Variants in MOB3B observed in about 807,000 individuals in gnomAD.
MOB3B encodes MOB kinase activator-like 2B.
Under a neutral mutation model 18.7 loss-of-function variants are expected in MOB3B, and 7 were observed. The ratio of observed to expected loss-of-function variants is 0.37; its 90% CI spans 0.21 to 0.70. The LOEUF (loss-of-function observed/expected upper bound fraction) is 0.70. MOB3B is among the 30% of genes least tolerant of loss of function. MOB3B has a pLI of 0.52. For synonymous variants in MOB3B, 111 were observed against 99.9 expected, an observed-to-expected ratio of 1.11 and a Z score of -0.66; for missense variants, 253 against 281.3, an observed-to-expected ratio of 0.90 and a Z score of 0.72.
At chr9:27,454,216 T>C (rs1822835526) in intron 2 of MOB3B, among the ~76,000 whole-genome samples, 1 of 152,232 alleles carries the variant, frequency 6.6e-6, no homozygotes, top group African/African-American at 2.4e-5. Context: ...CTAGAGGTGA[T>C]TTCAACAGTG....
At chr9:27,334,402 T>C (rs10967896) in intron 3 of MOB3B, among the ~76,000 whole-genome samples, 45,970 of 152,126 alleles carry the variant, frequency 0.3, 7,810 homozygotes, top group East Asian at 0.48. Flanking sequence ...GAGACTCCAA[T>C]CTGAAATCAT....
chr9:27,481,511 G>GTTTTTTTTTT (rs536716885), intron 1 of MOB3B, among the ~76,000 whole-genome samples: 3 of 69,720 alleles, frequency 4.3e-5, no homozygotes, highest in Non-Finnish European at 7.5e-5. Context: ...TTTTTTTTTT[G>GTTTTTTTTTT]TTTTTTTTGT....
intron 3 of MOB3B, among the ~76,000 whole-genome samples, chr9:27,353,105 G>A (rs1300214348): frequency 6.6e-6 from 1 of 152,224 alleles, no homozygotes; most frequent in Non-Finnish European, 1.5e-5. Context: ...GAGGAGAAGA[G>A]ATGAAGTGCT....
intron 3 of MOB3B, among the ~76,000 whole-genome samples, chr9:27,349,446 C>T (rs146154007): frequency 2.0e-5 from 3 of 152,210 alleles, no homozygotes; most frequent in East Asian, 3.9e-4. Flanking sequence ...ATTTTTGGAG[C>T]CAAAGAATCT....
intron 1 of MOB3B, among the ~76,000 whole-genome samples, chr9:27,519,175 C>T (rs11792285): frequency 0.28 from 42,282 of 152,026 alleles, 6,939 homozygotes; most frequent in Non-Finnish European, 0.37. Flanking sequence ...ACCAAACCAC[C>T]AAATAACTTT....
chr9:27,379,096 A>G (rs1020935110), intron 2 of MOB3B, among the ~76,000 whole-genome samples: 2 of 152,164 alleles, frequency 1.3e-5, no homozygotes, highest in Non-Finnish European at 2.9e-5. Context: ...GAGGTGTTCA[A>G]GAAGAAGCCC....
intron 1 of MOB3B, among the ~76,000 whole-genome samples, chr9:27,508,376 C>G (rs1393062794): frequency 6.6e-6 from 1 of 151,866 alleles, no homozygotes; most frequent in African/African-American, 2.4e-5. Context: ...TCCATTAAGA[C>G]AGAAGCTTCT....
chr9:27,330,741 A>G, intron 3 of MOB3B, 125 bp from the exon 4 acceptor site: 1 of 1,394,758 alleles, frequency 7.2e-7, no homozygotes, highest in Non-Finnish European at 9.9e-7. Flanking sequence ...AGCATGGTCC[A>G]TGAATAAGGC....
At chr9:27,501,476 C>A (rs140714825) in intron 1 of MOB3B, among the ~76,000 whole-genome samples, 2 of 151,950 alleles carry the variant, frequency 1.3e-5, no homozygotes, top group African/African-American at 4.8e-5. Context: ...TGGCAACCAT[C>A]ATTCTGAGCA....
chr9:27,380,404 A>C (rs1217263269), intron 2 of MOB3B, among the ~76,000 whole-genome samples: 1 of 151,448 alleles, frequency 6.6e-6, no homozygotes, highest in African/African-American at 2.4e-5. Context: ...ACACCCAGCT[A>C]ATTTTTGTAT....
chr9:27,398,155 T>A (rs1415958228), intron 2 of MOB3B, among the ~76,000 whole-genome samples: 1 of 152,222 alleles, frequency 6.6e-6, no homozygotes, highest in Admixed American at 6.5e-5. Flanking sequence ...GGAGCTCATG[T>A]GTTGTTATCT....
chr9:27,487,153 AAAAT>A (rs1200168399), intron 1 of MOB3B, among the ~76,000 whole-genome samples: 1 of 22,846 alleles, frequency 4.4e-5, no homozygotes, highest in African/African-American at 6.6e-5. Context: ...ATAAATAAAT[AAAAT>A]AAATAAATAA....
chr9:27,527,572 T>C (rs1820455005), intron 1 of MOB3B, among the ~76,000 whole-genome samples: 1 of 152,226 alleles, frequency 6.6e-6, no homozygotes, highest in Non-Finnish European at 1.5e-5. Flanking sequence ...CCACTGACAA[T>C]GTCTGAGTGG....
Position 27,486,857 on chromosome 9 carries a change from G to A in MOB3B, c.-198-31109C>T, listed in dbSNP as rs574385905. On this transcript the variant is annotated intron_variant, in intron 1 of 3. Coordinates refer to ENST00000262244, the MANE Select transcript of MOB3B (RefSeq NM_024761.5). ...AGAATGCTTAGTGTTGGGGCTGGGC[G>A]TGGTGGCTCACGCTTGTAATGCCAG... Among the ~76,000 whole-genome samples, 28 of 152,338 alleles carry A rather than the reference G, an allele frequency of 1.8e-4. No individual in the cohort carries two copies. The South Asian group carries it at 4.6e-3, about 25-fold the overall frequency.
At chr9:27,483,803 G>A (rs573173321) in intron 1 of MOB3B, among the ~76,000 whole-genome samples, 3 of 152,312 alleles carry the variant, frequency 2.0e-5, no homozygotes, top group Non-Finnish European at 2.9e-5. Context: ...TGCAAAGAGA[G>A]CTGGTATTAA....
At chr9:27,378,067 A>T (rs1587166889) in intron 2 of MOB3B, among the ~76,000 whole-genome samples, 1 of 152,238 alleles carries the variant, frequency 6.6e-6, no homozygotes, top group Non-Finnish European at 1.5e-5. Context: ...CCTGCAATCT[A>T]TGAGGTATGG....
intron 2 of MOB3B, among the ~76,000 whole-genome samples, chr9:27,417,418 C>T (rs192892798): frequency 1.3e-5 from 2 of 151,828 alleles, no homozygotes; most frequent in Admixed American, 6.6e-5. Context: ...ACGTCAAATG[C>T]CTGAAATGCA....
At chr9:27,522,925 A>T (rs771084823) in intron 1 of MOB3B, among the ~76,000 whole-genome samples, 85 of 150,394 alleles carry the variant, frequency 5.7e-4, no homozygotes, top group South Asian at 1.1e-3. Flanking sequence ...ATATATATAT[A>T]TATTTTTTTC....
intron 3 of MOB3B, among the ~76,000 whole-genome samples, chr9:27,343,787 G>C (rs1820992478): frequency 6.8e-6 from 1 of 146,852 alleles, no homozygotes. Flanking sequence ...GAGGGAAATT[G>C]TGGAATGCAT....
Sources: allele counts gnomAD v4.1 joint callset (sites outside exome capture counted in the v4.1 genomes callset), GRCh38; gene constraint gnomAD v4.1.1; transcripts MANE v1.5; gene names NCBI Gene and HGNC (gene_info 2026-07-23, HGNC 2026-07-21).